SOCS5: variants seen among roughly 807,000 people sequenced by gnomAD.
SOCS5 encodes CIS-6.
In SOCS5, 32 loss-of-function variants were observed where a neutral mutation model predicts 42.8. The ratio of observed to expected loss-of-function variants is 0.75; its 90% CI spans 0.56 to 1.01. The LOEUF is 1.01. Ranked by LOEUF, SOCS5 falls within the 50% of genes least tolerant of loss-of-function variation. The pLI is 0.00. For missense variants in SOCS5, 627 were observed against 653.0 expected (o/e 0.96, Z 0.43); for synonymous variants, 283 against 229.6 (o/e 1.23, Z -2.10).
intron 1 of SOCS5, among the ~76,000 whole-genome samples, chr2:46,732,221 A>G (rs569174626): frequency 2.6e-5 from 4 of 152,354 alleles, no homozygotes; most frequent in African/African-American, 9.6e-5. Flanking sequence ...CAAAACAAAC[A>G]TTATAGTAGA....
intron 1 of SOCS5, among the ~76,000 whole-genome samples, chr2:46,743,769 TG>T (rs1299035344): frequency 2.0e-5 from 3 of 152,142 alleles, no homozygotes; most frequent in African/African-American, 7.2e-5. Context: ...TACAAGGGAC[TG>T]GGGGGCATCT....
intron 1 of SOCS5, among the ~76,000 whole-genome samples, chr2:46,736,974 T>C (rs890838359): frequency 5.3e-5 from 8 of 152,198 alleles, no homozygotes; most frequent in Non-Finnish European, 1.2e-4. Flanking sequence ...TTGGACCATT[T>C]TGAATTTCAG....
intron 1 of SOCS5, among the ~76,000 whole-genome samples, chr2:46,731,508 A>G (rs959713522): frequency 3.9e-5 from 6 of 152,222 alleles, no homozygotes; most frequent in African/African-American, 1.2e-4. Context: ...CCTGCCCTCA[A>G]GGAGTTTACT....
intron 1 of SOCS5, among the ~76,000 whole-genome samples, chr2:46,728,665 C>T (rs896219558): frequency 6.6e-6 from 1 of 152,176 alleles, no homozygotes; most frequent in Non-Finnish European, 1.5e-5. Flanking sequence ...AAACCATTCT[C>T]CTGCCTCAGC....
chr2:46,740,206 A>T (rs943027827), intron 1 of SOCS5, among the ~76,000 whole-genome samples: 2 of 152,210 alleles, frequency 1.3e-5, no homozygotes, highest in South Asian at 2.1e-4. Flanking sequence ...ACCTTACCTT[A>T]CCTGGCCATA....
At chr2:46,715,956 C>G (rs760484566) in intron 1 of SOCS5, among the ~76,000 whole-genome samples, 1 of 152,082 alleles carries the variant, frequency 6.6e-6, no homozygotes, top group Non-Finnish European at 1.5e-5. Flanking sequence ...TTTACTGAGG[C>G]CCTGTCCATT....
chr2:46,732,100 G>C (rs1003889037), intron 1 of SOCS5, among the ~76,000 whole-genome samples: 1 of 152,202 alleles, frequency 6.6e-6, no homozygotes, highest in African/African-American at 2.4e-5. Flanking sequence ...TCTGTGGCTG[G>C]ATGCAGTTTT....
intron 1 of SOCS5, among the ~76,000 whole-genome samples, chr2:46,756,292 T>C (rs1019193302): frequency 2.0e-5 from 3 of 152,212 alleles, no homozygotes; most frequent in Admixed American, 6.5e-5. Context: ...TCTTCTAGTG[T>C]CTAGAGTGAT....
chr2:46,743,147 G>T (rs189023019), intron 1 of SOCS5, among the ~76,000 whole-genome samples: 14 of 152,058 alleles, frequency 9.2e-5, no homozygotes, highest in African/African-American at 3.4e-4. Context: ...TCCTTCCACT[G>T]CATATATGTA....
At chr2:46,751,999 T>A (rs768657560) in intron 1 of SOCS5, among the ~76,000 whole-genome samples, 3 of 152,334 alleles carry the variant, frequency 2.0e-5, no homozygotes, top group Admixed American at 6.5e-5. Flanking sequence ...GCTTATTTAC[T>A]TGCATGTTGC....
intron 1 of SOCS5, among the ~76,000 whole-genome samples, chr2:46,751,560 G>A (rs551461700): frequency 1.3e-5 from 2 of 152,114 alleles, no homozygotes; most frequent in African/African-American, 2.4e-5. Flanking sequence ...TAGGTGGTGG[G>A]ACTTCAAGTG....
At position 46,759,637 on chromosome 2, in the gene SOCS5, C is replaced by T. The variant is rs1374974406; in HGVS notation, c.1107C>T (p.Leu369=). The T allele has an allele frequency of 6.2e-7, 1 of 1,614,016 alleles. No homozygotes were observed. The highest frequency in any genetic ancestry group is 1.7e-5 in the Admixed American group (1 of 60,008). ...VHTQIDYIHC[L]VPDLLQITGN... ...CACAGATTGATTACATACACTGCCT[C>T]GTGCCTGATTTGCTTCAAATTACAG... Residue 369 remains leucine, a synonymous_variant, in exon 2 of 2, where the codon CTC becomes CTT. Transcript: ENST00000394861.
At chr2:46,732,740 T>C (rs1673153247) in intron 1 of SOCS5, among the ~76,000 whole-genome samples, 1 of 152,206 alleles carries the variant, frequency 6.6e-6, no homozygotes. Context: ...CCAATGTGTA[T>C]CTTTAATAGG....
chr2:46,723,343 G>A (rs1439214902), intron 1 of SOCS5, among the ~76,000 whole-genome samples: 1 of 151,326 alleles, frequency 6.6e-6, no homozygotes, highest in African/African-American at 2.4e-5. Context: ...GTCTTCTGAA[G>A]TTTAGGTTAA....
rs1383024592 is a variant in SOCS5 at position 46,719,005 on chromosome 2, T to A, written c.-13+19556T>A. Among the ~76,000 whole-genome samples the A allele has an allele frequency of 2.0e-5, 3 of 152,206 alleles. No homozygotes were observed. The East Asian group carries it at 5.8e-4, about 29-fold the overall frequency. ...TGTTACTTATTCATTACAATGGTAT[T>A]TATAATGTTGAAAAATTGGAAGCCT... On this transcript the variant is annotated intron_variant, in intron 1 of 1. Transcript: ENST00000394861.
At chr2:46,739,026 A>T (rs553707759) in intron 1 of SOCS5, among the ~76,000 whole-genome samples, 186 of 152,346 alleles carry the variant, frequency 1.2e-3, no homozygotes, top group Middle Eastern at 3.4e-3. Context: ...TGAACTATTT[A>T]ACACGTTTAA....
chr2:46,714,086 A>C (rs1258272706), intron 1 of SOCS5, among the ~76,000 whole-genome samples: 1 of 152,166 alleles, frequency 6.6e-6, no homozygotes, highest in Non-Finnish European at 1.5e-5. Flanking sequence ...GTCTTGGTGA[A>C]CGTTCAATGT....
rs1260171098 is a variant in SOCS5 at position 46,761,431 on chromosome 2, T to G, written c.*1290T>G. On this transcript the variant is annotated 3_prime_UTR_variant, in exon 2 of 2. Coordinates refer to ENST00000394861, the MANE Select transcript of SOCS5 (RefSeq NM_144949.3). ...TACCACTGGTGAGTGCTCCATAGTT[T>G]CCTTACCTGCTGCTACAGAATGTTA... The G allele has an allele frequency of 6.0e-6, 1 of 167,108 alleles. No homozygotes were observed. The highest frequency in any genetic ancestry group is 2.4e-5 in the African/African-American group (1 of 41,462). The allele number at this position is 167,108 out of a possible 1,614,324, so 10.4% of individuals were successfully genotyped here.
chr2:46,720,569 T>A lies in SOCS5; in HGVS notation c.-13+21120T>A, dbSNP rs535248133. ...TATAAAACCAGAAGTAAAATCCAGG[T>A]AGCAAATTTAGTAAGCTGTTTTTAC... On this transcript the variant is annotated intron_variant, in intron 1 of 1. Transcript: ENST00000394861. 3.2e-4 allele frequency among the ~76,000 whole-genome samples: 49 copies of A among 152,340 alleles called. 1 individual carries two copies. Among genetic ancestry groups the A allele is most frequent in the Non-Finnish European group, 5.3e-4 (36 of 68,034 alleles).
Sources: allele counts gnomAD v4.1 joint callset (sites outside exome capture counted in the v4.1 genomes callset), GRCh38; gene constraint gnomAD v4.1.1; transcripts MANE v1.5; gene names NCBI Gene and HGNC (gene_info 2026-07-23, HGNC 2026-07-21).